Variants in GOLGA7 observed in about 807,000 individuals in gnomAD.
GOLGA7 encodes the protein golgin A7.
Under a neutral mutation model 21.1 loss-of-function variants are expected in GOLGA7, and 10 were observed. That is an observed-to-expected ratio of 0.47 (90% CI 0.29 to 0.80). The LOEUF is 0.80. Ranked by LOEUF, GOLGA7 falls within the 30% of genes least tolerant of loss-of-function variation. GOLGA7 has a pLI of 0.08. For synonymous variants in GOLGA7, 64 were observed against 62.6 expected, an observed-to-expected ratio of 1.02 and a Z score of -0.10; for missense variants, 114 against 166.8, an observed-to-expected ratio of 0.68 and a Z score of 1.74.
At chr8:41,497,911 C>G (rs1806059701) in intron 2 of GOLGA7, among the ~76,000 whole-genome samples, 1 of 152,182 alleles carries the variant, frequency 6.6e-6, no homozygotes, top group Non-Finnish European at 1.5e-5. Context: ...TGTAGAAAAT[C>G]TATATGTTCT....
chr8:41,497,416 G>A (rs1806045133), intron 1 of GOLGA7, 93 bp from the exon 2 acceptor site: 5 of 717,616 alleles, frequency 7.0e-6, no homozygotes, highest in Non-Finnish European at 6.8e-6. Flanking sequence ...TGTCAACTAA[G>A]AATGGTGAGA....
intron 1 of GOLGA7, among the ~76,000 whole-genome samples, chr8:41,491,655 C>T (rs1805886850): frequency 7.0e-6 from 1 of 143,802 alleles, no homozygotes; most frequent in African/African-American, 2.6e-5. Context: ...TTTGCTTCCC[C>T]TTCAGACCTA....
At chr8:41,500,331 T>C (rs573514810) in intron 2 of GOLGA7, among the ~76,000 whole-genome samples, 2 of 152,162 alleles carry the variant, frequency 1.3e-5, no homozygotes, top group South Asian at 4.2e-4. Flanking sequence ...AGCTGTTGCA[T>C]GAAGGATGAA....
At chr8:41,494,343 G>A (rs930403423) in intron 1 of GOLGA7, among the ~76,000 whole-genome samples, 10 of 152,190 alleles carry the variant, frequency 6.6e-5, no homozygotes, top group Non-Finnish European at 2.9e-5. Context: ...TAGGGTTTCC[G>A]GGATAAACAG....
At chr8:41,491,102 A>G in intron 1 of GOLGA7, 137 bp downstream of exon 1, 1 of 636,862 alleles carries the variant, frequency 1.6e-6, no homozygotes, top group Non-Finnish European at 2.9e-6. Context: ...GGCCTTGGCC[A>G]AACGTGTAAG....
At chr8:41,507,667 C>T (rs986363022) in intron 4 of GOLGA7, among the ~76,000 whole-genome samples, 3 of 152,122 alleles carry the variant, frequency 2.0e-5, no homozygotes, top group African/African-American at 7.2e-5. Flanking sequence ...CTTAAATATC[C>T]AGATGCTGCC....
At chr8:41,505,489 A>G (rs1806262067) in intron 2 of GOLGA7, among the ~76,000 whole-genome samples, 1 of 152,254 alleles carries the variant, frequency 6.6e-6, no homozygotes, top group Admixed American at 6.5e-5. Flanking sequence ...TAAGTTTTGT[A>G]AAAGGCAAGG....
intron 2 of GOLGA7, among the ~76,000 whole-genome samples, chr8:41,505,411 T>C (rs978582631): frequency 8.5e-5 from 13 of 152,358 alleles, no homozygotes; most frequent in African/African-American, 3.1e-4. Flanking sequence ...GGCTACCTTT[T>C]GTTATAAGCC....
At chr8:41,493,884 A>G (rs1378926772) in intron 1 of GOLGA7, among the ~76,000 whole-genome samples, 1 of 152,226 alleles carries the variant, frequency 6.6e-6, no homozygotes. Flanking sequence ...AAGGGAGAAC[A>G]CTGGCCACTG....
intron 1 of GOLGA7, among the ~76,000 whole-genome samples, chr8:41,491,447 G>A (rs1383770831): frequency 1.3e-5 from 2 of 152,184 alleles, no homozygotes; most frequent in Non-Finnish European, 2.9e-5. Flanking sequence ...TAGGTGCATG[G>A]CCAGGCGGTG....
chr8:41,504,120 TA>T (rs58682911), intron 2 of GOLGA7, among the ~76,000 whole-genome samples: 37 of 121,224 alleles, frequency 3.1e-4, no homozygotes, highest in East Asian at 2.6e-3. Context: ...TAGAGTATAA[TA>T]AAAAAAAAAA....
At chr8:41,503,175 C>T (rs1806190924) in intron 2 of GOLGA7, among the ~76,000 whole-genome samples, 1 of 150,170 alleles carries the variant, frequency 6.7e-6, no homozygotes, top group Non-Finnish European at 1.5e-5. Context: ...TGAACTGATA[C>T]CCAAGTGCAT....
intron 4 of GOLGA7, among the ~76,000 whole-genome samples, chr8:41,507,429 A>T (rs1479216694): frequency 6.6e-6 from 1 of 152,140 alleles, no homozygotes; most frequent in Non-Finnish European, 1.5e-5. Flanking sequence ...AATATTTCAA[A>T]ACTATCCTAG....
At chr8:41,506,708 T>C (rs1444929481) in intron 3 of GOLGA7, among the ~76,000 whole-genome samples, 2 of 152,168 alleles carry the variant, frequency 1.3e-5, no homozygotes, top group Admixed American at 6.5e-5. Flanking sequence ...GAAAAAAGTT[T>C]TCATATAATT....
intron 1 of GOLGA7, among the ~76,000 whole-genome samples, chr8:41,494,474 A>T (rs1272186599): frequency 4.6e-5 from 7 of 152,220 alleles, no homozygotes; most frequent in Non-Finnish European, 1.5e-5. Context: ...TGTGATTGGA[A>T]TTATTTAGAC....
chr8:41,496,889 GCTCCAC>G (rs1305314762), intron 1 of GOLGA7, among the ~76,000 whole-genome samples: 1 of 133,710 alleles, frequency 7.5e-6, no homozygotes, highest in Non-Finnish European at 1.5e-5. Context: ...CTCACTGCAA[GCTCCAC>G]CTCCCGGGTT....
Position 41,509,612 on chromosome 8 carries a change from A to G in GOLGA7, c.*44A>G, listed in dbSNP as rs1806371486. 6.6e-6 allele frequency: 1 copy of G among 152,622 alleles called. No individual in the cohort carries two copies. The highest frequency in any genetic ancestry group is 2.1e-4 in the South Asian group (1 of 4,828). 9.5% of individuals were successfully genotyped at this position (152,622 alleles called of 1,614,324 possible). A position where few individuals can be genotyped will look rare whatever the true frequency, so the allele number is the denominator to read the frequency against. ...CCACTTCCAGCCGGGCCCCTCATGT[A>G]TCCACTGGCCGACCGCAGAGTGTCC... On this transcript the variant is annotated 3_prime_UTR_variant, in exon 5 of 5. Coordinates refer to ENST00000357743, the MANE Select transcript of GOLGA7 (RefSeq NM_001002296.2).
At chr8:41,502,923 G>A (rs1419141522) in intron 2 of GOLGA7, among the ~76,000 whole-genome samples, 1 of 152,142 alleles carries the variant, frequency 6.6e-6, no homozygotes, top group Non-Finnish European at 1.5e-5. Flanking sequence ...GTCAACATAT[G>A]ATTTCTTGGG....
intron 1 of GOLGA7, among the ~76,000 whole-genome samples, chr8:41,495,008 C>A (rs964262173): frequency 1.1e-4 from 16 of 151,636 alleles, no homozygotes; most frequent in African/African-American, 3.6e-4. Context: ...AGCCTGAGAC[C>A]AGCCTGGCAA....
Sources: allele counts gnomAD v4.1 joint callset (sites outside exome capture counted in the v4.1 genomes callset), GRCh38; gene constraint gnomAD v4.1.1; transcripts MANE v1.5; gene names NCBI Gene and HGNC (gene_info 2026-07-23, HGNC 2026-07-21).